Variants in ABCC2 observed in about 807,000 individuals in gnomAD.
The protein encoded by ABCC2 is ATP binding cassette subfamily C member 2, also known as ATP-binding cassette sub-family C member 2.
In ABCC2, 157 loss-of-function variants were observed where a neutral mutation model predicts 173.4. The ratio of observed to expected loss-of-function variants is 0.91; its 90% CI spans 0.80 to 1.03. ABCC2 has a LOEUF of 1.03. Ranked by LOEUF, ABCC2 falls within the 50% of genes least tolerant of loss-of-function variation. The probability of loss-of-function intolerance (pLI) is 0.00; values close to 1 mark genes in which losing one functional copy is unlikely to be tolerated. For missense variants in ABCC2, 1,822 were observed against 1,852.3 expected, an observed-to-expected ratio of 0.98 and a Z score of 0.30; for synonymous variants, 657 against 693.5, an observed-to-expected ratio of 0.95 and a Z score of 0.83.
intron 25 of ABCC2, among the ~76,000 whole-genome samples, chr10:99,840,688 T>C (rs1369068927): frequency 6.6e-6 from 1 of 151,762 alleles, no homozygotes; most frequent in Non-Finnish European, 1.5e-5. Context: ...TTTTTGTTTG[T>C]TTGTTTTTAG....
Position 99,814,596 on chromosome 10 carries a change from C to CACACACATATGTGTATATACACACAT in ABCC2, c.2094+1475_2094+1476insCATACACACATATGTGTATATACACA, listed in dbSNP as rs2038343955. Among the ~76,000 whole-genome samples the CACACACATATGTGTATATACACACAT allele has an allele frequency of 2.0e-4, 6 of 29,366 alleles. 1 individual carries two copies. In the Admixed American group the frequency reaches 2.5e-3, roughly 12 times the overall value. The allele number at this position is 29,366 out of a possible 152,430, so 19.3% of individuals were successfully genotyped here. Reference sequence around the variant, plus strand: ...ACACATATGTGTATATACACATATACACACACATATGTGTATATACACATA... The same window carrying CACACACATATGTGTATATACACACAT: ...ACACATATGTGTATATACACATATACACACACATATGTGTATATACACACATACACACATATGTGTATATACACATA... On this transcript the variant is annotated intron_variant, in intron 16 of 31. Coordinates refer to ENST00000647814, the MANE Select transcript of ABCC2 (RefSeq NM_000392.5).
At chr10:99,843,982 A>C in intron 27 of ABCC2, 82 bp downstream of exon 27, 1 of 1,184,188 alleles carries the variant, frequency 8.4e-7, no homozygotes, top group Non-Finnish European at 1.3e-6. Context: ...GAATTTCTCC[A>C]TATTTTACAT....
chr10:99,817,180 A>C, intron 16 of ABCC2, 128 bp from the exon 17 acceptor site: 1 of 814,796 alleles, frequency 1.2e-6, no homozygotes, highest in Non-Finnish European at 2.1e-6. Context: ...TCAGATCCTC[A>C]GTCATCCTGA....
chr10:99,851,805 C>T lies in ABCC2; in HGVS notation c.*174C>T. Reference sequence around the variant, plus strand: ...TTAAGAAAATAAATGTCACCAGGTACTTGAGAAACCCCTCGATTGTCTACC... The same window carrying T: ...TTAAGAAAATAAATGTCACCAGGTATTTGAGAAACCCCTCGATTGTCTACC... On this transcript the variant is annotated 3_prime_UTR_variant, in exon 32 of 32. Coordinates refer to ENST00000647814, the MANE Select transcript of ABCC2 (RefSeq NM_000392.5). The T allele has an allele frequency of 1.7e-6, 1 of 600,324 alleles. No individual in the cohort carries two copies. The highest frequency in any genetic ancestry group is 2.7e-6 in the Non-Finnish European group (1 of 369,476). The allele number at this position is 600,324 out of a possible 1,614,324, so 37.2% of individuals were successfully genotyped here. A position where few individuals can be genotyped will look rare whatever the true frequency, so the allele number is the denominator to read the frequency against.
intron 26 of ABCC2, 52 bp from the exon 27 acceptor site, chr10:99,843,747 T>C: frequency 1.4e-6 from 2 of 1,476,828 alleles, no homozygotes; most frequent in Non-Finnish European, 1.9e-6. Context: ...TTTGAGTGGT[T>C]GAGTTGGTTT....
chr10:99,820,454 T>C (rs2038514125), intron 19 of ABCC2, among the ~76,000 whole-genome samples: 1 of 149,540 alleles, frequency 6.7e-6, no homozygotes, highest in African/African-American at 2.5e-5. Context: ...AGCCCAAGAG[T>C]TTGAAAGAAA....
intron 11 of ABCC2, among the ~76,000 whole-genome samples, chr10:99,806,562 G>A (rs541146685): frequency 2.0e-5 from 3 of 152,282 alleles, no homozygotes; most frequent in South Asian, 4.1e-4. Flanking sequence ...GCCTAGGTCT[G>A]TTATTTCATT....
rs773838543 is a variant in ABCC2, at chr10:99,818,807, G to T, written c.2289G>T (p.Gly763=). ...EIGEKGINLS[G]GQKQRISLAR... is the part of the protein sequence containing the mutation. ...TTCTTCAGGGTATAAATCTTAGTGG[G>T]GGTCAGAAGCAGCGGATCAGCCTGG... The change falls in exon 18 of 32, where the codon GGG becomes GGT. Residue 763 remains glycine, a synonymous_variant. Coordinates refer to ENST00000647814, the MANE Select transcript of ABCC2 (RefSeq NM_000392.5). 6 of 1,614,056 alleles carry T rather than the reference G, an allele frequency of 3.7e-6. No homozygotes were observed. In the South Asian group the frequency reaches 5.5e-5, roughly 15 times the overall value.
At chr10:99,850,822 C>T (rs779062188) in intron 31 of ABCC2, 26 bp downstream of exon 31, 3 of 1,613,280 alleles carry the variant, frequency 1.9e-6, no homozygotes, top group African/African-American at 1.3e-5. Flanking sequence ...CAGGGCTTGA[C>T]ACGGATGGCT....
intron 23 of ABCC2, among the ~76,000 whole-genome samples, chr10:99,833,702 T>C (rs1564696464): frequency 6.6e-6 from 1 of 152,190 alleles, no homozygotes; most frequent in Non-Finnish European, 1.5e-5. Context: ...GATTCAGAGC[T>C]TTCCTGGAAG....
intron 2 of ABCC2, 34 bp from the exon 3 acceptor site, chr10:99,792,200 T>TA: frequency 6.2e-7 from 1 of 1,613,240 alleles, no homozygotes; most frequent in Non-Finnish European, 8.5e-7. Flanking sequence ...TAAAGAATGA[T>TA]ATCCTCTTAA....
chr10:99,808,543 C>T (rs185003073), intron 13 of ABCC2, among the ~76,000 whole-genome samples: 1 of 152,250 alleles, frequency 6.6e-6, no homozygotes, highest in East Asian at 1.9e-4. Context: ...CAGTTTCTCT[C>T]ATATTTCTCC....
Position 99,834,385 on chromosome 10 carries a change from T to C in ABCC2, c.3264T>C (p.Ile1088=). ...TCTCCTAATCGTTTTCCTAGGATAT[T>C]TCCACAGTGGATGACACCCTGCCTC... ...GRIVNRFAGD[I]STVDDTLPQS... is the part of the protein sequence containing the mutation. Residue 1088 remains isoleucine, a synonymous_variant, in exon 24 of 32, where the codon ATT becomes ATC. Coordinates refer to ENST00000647814, the MANE Select transcript of ABCC2 (RefSeq NM_000392.5). The C allele has an allele frequency of 6.2e-7, 1 of 1,614,170 alleles. No individual in the cohort carries two copies. The highest frequency in any genetic ancestry group is 2.2e-5 in the East Asian group (1 of 44,888).
At chr10:99,838,812 G>A (rs1590188007) in intron 25 of ABCC2, among the ~76,000 whole-genome samples, 1 of 15,480 alleles carries the variant, frequency 6.5e-5, no homozygotes, top group Admixed American at 4.4e-4. Context: ...CCCGGACGGG[G>A]CGGCTGGCCG....
intron 19 of ABCC2, among the ~76,000 whole-genome samples, chr10:99,824,376 G>A (rs2038591127): frequency 1.3e-5 from 2 of 150,458 alleles, no homozygotes; most frequent in African/African-American, 4.9e-5. Flanking sequence ...AGATGCTATT[G>A]CCAGTCCTGC....
intron 7 of ABCC2, chr10:99,797,642 T>C (rs1234447876): frequency 8.3e-6 from 3 of 360,440 alleles, no homozygotes; most frequent in African/African-American, 6.3e-5. Context: ...AATTTGTTGA[T>C]TCATTCACTT....
chr10:99,783,454 A>G (rs1434454700), intron 1 of ABCC2, among the ~76,000 whole-genome samples: 4 of 152,200 alleles, frequency 2.6e-5, no homozygotes, highest in African/African-American at 7.2e-5. Context: ...GGAGTCATAG[A>G]TAGCAAAAAA....
At chr10:99,842,574 G>A (rs2038963413) in intron 26 of ABCC2, among the ~76,000 whole-genome samples, 1 of 152,134 alleles carries the variant, frequency 6.6e-6, no homozygotes, top group Non-Finnish European at 1.5e-5. Flanking sequence ...ATGACTAGAG[G>A]ATACATGGCA....
intron 25 of ABCC2, among the ~76,000 whole-genome samples, chr10:99,838,174 C>A (rs2038859167): frequency 2.7e-5 from 2 of 73,534 alleles, no homozygotes; most frequent in African/African-American, 1.0e-4. Flanking sequence ...ACCTCCCTCC[C>A]GGACGGGGCG....
Sources: gnomAD v4.1 joint callset for allele counts (sites outside exome capture counted in the v4.1 genomes callset) on GRCh38, gnomAD v4.1.1 for gene constraint, MANE v1.5 for transcripts, NCBI Gene and HGNC (gene_info 2026-07-23, HGNC 2026-07-21) for gene names.